Variants in OTOG observed in about 807,000 individuals in gnomAD.
OTOG encodes the protein otogelin.
A neutral mutation model predicts 313.8 loss-of-function variants in OTOG; 296 were observed. The observed-to-expected ratio is 0.94, with a 90% CI of 0.86 to 1.04. The LOEUF (loss-of-function observed/expected upper bound fraction) is 1.04, where lower values mean the gene tolerates loss of function less well. Ranked by LOEUF, OTOG falls within the 50% of genes least tolerant of loss-of-function variation. The pLI, the probability that OTOG is intolerant of heterozygous loss-of-function variation, is 0.00. For synonymous variants in OTOG, 1,533 were observed against 1,554.9 expected (o/e 0.99, Z 0.33); for missense variants, 3,948 against 3,840.1 (o/e 1.03, Z -0.74).
intron 53 of OTOG, among the ~76,000 whole-genome samples, chr11:17,643,131 C>T (rs1012504833): frequency 2.0e-5 from 3 of 152,208 alleles, no homozygotes; most frequent in Admixed American, 1.3e-4. Flanking sequence ...GTGACCCCTG[C>T]GCCCCTCCCC....
chr11:17,579,076 T>C (rs960215951), intron 23 of OTOG, among the ~76,000 whole-genome samples: 4 of 152,180 alleles, frequency 2.6e-5, no homozygotes, highest in Non-Finnish European at 4.4e-5. Flanking sequence ...TGGGCATGCC[T>C]TGTGTGGGCT....
Position 17,645,731 on chromosome 11 carries a change from C to T in OTOG, c.8542-13C>T, listed in dbSNP as rs1848062561. The T allele has an allele frequency of 6.4e-7, 1 of 1,550,872 alleles. No individual in the cohort carries two copies. Among genetic ancestry groups the T allele is most frequent in the Admixed American group, 2.0e-5 (1 of 51,018 alleles). Reference sequence around the variant, plus strand: ...GAGCACCACAGACTGCCTCACTGGCCTGCCCGTTCCAGGTGAACCTAGTGT... The same window carrying T: ...GAGCACCACAGACTGCCTCACTGGCTTGCCCGTTCCAGGTGAACCTAGTGT... On this transcript the variant is annotated splice_polypyrimidine_tract_variant and intron_variant, in intron 55 of 55. Transcript: ENST00000399397.
Position 17,640,775 on chromosome 11 carries a change from A to G in OTOG, c.7966A>G (p.Met2656Val). The G allele has an allele frequency of 1.3e-6, 2 of 1,550,242 alleles. No homozygotes were observed. Among genetic ancestry groups the G allele is most frequent in the Non-Finnish European group, 1.7e-6 (2 of 1,146,994 alleles). Residue 2656 changes from methionine to valine, a missense_variant, in exon 50 of 56, where the codon ATG (methionine) becomes GTG (valine). Transcript: ENST00000399397. Reference sequence around the variant, plus strand: ...GAAATCCCAGCTGGATGAGGAGTTCATGCACAGCGTGGAGAATGTGTGTGG... The same window carrying G: ...GAAATCCCAGCTGGATGAGGAGTTCGTGCACAGCGTGGAGAATGTGTGTGG... ...WEKSQLDEEF[M>V]HSVENVCGCA...
intron 29 of OTOG, 32 bp downstream of exon 29, chr11:17,596,186 G>C: frequency 1.4e-6 from 2 of 1,462,768 alleles, no homozygotes; most frequent in Non-Finnish European, 1.9e-6. Flanking sequence ...CTCCTCCCGA[G>C]TGCCCCCTCC....
chr11:17,643,051 A>G (rs902839190), intron 53 of OTOG, among the ~76,000 whole-genome samples: 4 of 152,214 alleles, frequency 2.6e-5, no homozygotes, highest in Non-Finnish European at 4.4e-5. Flanking sequence ...AGAGATGGGA[A>G]AATTAAGCCT....
chr11:17,611,262 G>A lies in OTOG; in HGVS notation c.5962G>A (p.Glu1988Lys). Residue 1988 changes from glutamate to lysine, a missense_variant, in exon 36 of 56, where the codon GAG (glutamate) becomes AAG (lysine). Transcript: ENST00000399397. Reference sequence around the variant, plus strand: ...GCTGGTTCTGTTGCCTCAGCTGGCTGAGGCCCATGGAACCTCGGCAGGGCC... The same window carrying A: ...GCTGGTTCTGTTGCCTCAGCTGGCTAAGGCCCATGGAACCTCGGCAGGGCC... ...SMLVLLPQLA[E>K]AHGTSAGPHL... is the part of the protein sequence containing the mutation. 4 of 1,550,510 alleles carry A rather than the reference G, an allele frequency of 2.6e-6. No individual in the cohort carries two copies. The highest frequency in any genetic ancestry group is 2.6e-6 in the Non-Finnish European group (3 of 1,146,982).
At chr11:17,577,968 A>G (rs1298360420) in intron 22 of OTOG, among the ~76,000 whole-genome samples, 2 of 152,112 alleles carry the variant, frequency 1.3e-5, no homozygotes, top group Non-Finnish European at 2.9e-5. Flanking sequence ...TCCTCTTTCT[A>G]GCCCTGCTCC....
In OTOG at chr11:17,645,775, C is replaced by A. The variant is rs1409856504; in HGVS notation, c.8573C>A (p.Pro2858Gln). Reference sequence around the variant, plus strand: ...CTAGTGTCCTGCGATGGGAGGTGCCCATCCGCCAGCATCTACAACTACAAC... The same window carrying A: ...CTAGTGTCCTGCGATGGGAGGTGCCAATCCGCCAGCATCTACAACTACAAC... ...VNLVSCDGRCPSASIYNYNIN... is the reference protein window; with the variant it reads ...VNLVSCDGRCQSASIYNYNIN... Residue 2858 changes from proline to glutamine, a missense_variant, in exon 56 of 56, where the codon CCA (proline) becomes CAA (glutamine). Physicochemically the swap from Pro to Gln is moderately conservative, Grantham distance 76. Transcript: ENST00000399397. 1 of 1,550,884 alleles carries A rather than the reference C, an allele frequency of 6.4e-7. No homozygotes were observed. The highest frequency in any genetic ancestry group is 2.0e-5 in the Admixed American group (1 of 51,008).
chr11:17,595,750 T>C (rs1853081510), intron 28 of OTOG, among the ~76,000 whole-genome samples: 1 of 152,200 alleles, frequency 6.6e-6, no homozygotes, highest in African/African-American at 2.4e-5. Context: ...GGCTGCTTGC[T>C]TCCTCACAGC....
chr11:17,580,459 A>G (rs1590017678), intron 23 of OTOG, among the ~76,000 whole-genome samples: 4 of 152,368 alleles, frequency 2.6e-5, no homozygotes, highest in Admixed American at 2.6e-4. Flanking sequence ...AAGGTCCCCT[A>G]CAAGGTAAAG....
In OTOG at chr11:17,629,228, A is replaced by C; in HGVS notation, c.6624A>C (p.Ser2208=). ...ACATGTACATGATCCTGACTCCCTCAGACATCCAGATCCAGTGGCTCCACA... is the reference window on the plus strand; with the variant it reads ...ACATGTACATGATCCTGACTCCCTCCGACATCCAGATCCAGTGGCTCCACA... The part of the protein sequence containing the change: ...TGHMYMILTP[S]DIQIQWLHSS... Residue 2208 remains serine, a synonymous_variant, in exon 40 of 56, where the codon TCA becomes TCC. Transcript: ENST00000399397. 1 of 1,550,658 alleles carries C rather than the reference A, an allele frequency of 6.4e-7. No individual in the cohort carries two copies. The highest frequency in any genetic ancestry group is 8.7e-7 in the Non-Finnish European group (1 of 1,147,002).
chr11:17,632,086 A>C lies in OTOG; in HGVS notation c.6934-2A>C. ...CCAGCACTGCCTGATGCATATGTCC[A>C]GGTGCCTCCGGAGTCATTCTGTGAG... On this transcript the variant is annotated splice_acceptor_variant, in intron 41 of 55. Coordinates refer to ENST00000399397, the MANE Select transcript of OTOG (RefSeq NM_001292063.2). LOFTEE classifies it high-confidence loss of function. 6.4e-7 allele frequency: 1 copy of C among 1,550,852 alleles called. No individual in the cohort carries two copies. Among genetic ancestry groups the C allele is most frequent in the South Asian group, 1.2e-5 (1 of 84,056 alleles).
At chr11:17,570,174 G>C (rs1367276715) in intron 16 of OTOG, 39 bp from the exon 17 acceptor site, 1 of 1,525,746 alleles carries the variant, frequency 6.6e-7, no homozygotes, top group Non-Finnish European at 8.9e-7. Flanking sequence ...GTGTGTACTG[G>C]CTGCCCTCCC....
At chr11:17,638,413 C>T in intron 47 of OTOG, 38 bp from the exon 48 acceptor site, 1 of 1,486,842 alleles carries the variant, frequency 6.7e-7, no homozygotes, top group African/African-American at 1.4e-5. Context: ...CCCCAGGTGC[C>T]TGTGACTGAC....
At chr11:17,552,987 A>C in intron 4 of OTOG, 132 bp from the exon 5 acceptor site, 1 of 782,946 alleles carries the variant, frequency 1.3e-6, no homozygotes, top group Non-Finnish European at 2.1e-6. Context: ...AGCTTGTGCT[A>C]GCTGCTGAGG....
chr11:17,560,087 A>G (rs1233724836), intron 12 of OTOG, among the ~76,000 whole-genome samples: 2 of 152,230 alleles, frequency 1.3e-5, no homozygotes. Context: ...TAAGGTGTGT[A>G]TGAGAACAGA....
chr11:17,569,922 G>A (rs1030618228), intron 16 of OTOG, among the ~76,000 whole-genome samples: 6 of 152,336 alleles, frequency 3.9e-5, no homozygotes, highest in African/African-American at 9.6e-5. Flanking sequence ...AGGAGGAAAC[G>A]TGTACCAGTT....
chr11:17,560,837 A>G lies in OTOG; in HGVS notation c.1451+20A>G. The G allele has an allele frequency of 6.5e-7, 1 of 1,534,872 alleles. No homozygotes were observed. Among genetic ancestry groups the G allele is most frequent in the African/African-American group, 1.4e-5 (1 of 72,756 alleles). On this transcript the variant is annotated intron_variant, in intron 13 of 55. Transcript: ENST00000399397. ...TACTTGGTCTGTGTCTGCTGCCGGGAAGCAGGGTGTGGGGCATGGCCGCTG... is the reference window on the plus strand; with the variant it reads ...TACTTGGTCTGTGTCTGCTGCCGGGGAGCAGGGTGTGGGGCATGGCCGCTG...
intron 36 of OTOG, among the ~76,000 whole-genome samples, 168 bp from the exon 37 acceptor site, chr11:17,611,994 G>A (rs902741794): frequency 4.6e-5 from 7 of 152,030 alleles, no homozygotes; most frequent in South Asian, 2.1e-4. Flanking sequence ...TAAGTGCATC[G>A]CCAGGCCCCA....
Sources: gnomAD v4.1 joint callset for allele counts (sites outside exome capture counted in the v4.1 genomes callset) on GRCh38, gnomAD v4.1.1 for gene constraint, MANE v1.5 for transcripts, NCBI Gene and HGNC (gene_info 2026-07-23, HGNC 2026-07-21) for gene names.